The following TCHH variants were observed in gnomAD, a reference collection of about 807,000 sequenced individuals.
TCHH encodes trichohyalin.
Under a neutral mutation model 6.3 loss-of-function variants are expected in TCHH, and 6 were observed. That is an observed-to-expected ratio of 0.95 (90% confidence interval 0.52 to 1.88). TCHH has a LOEUF of 1.88. Ranked by LOEUF, TCHH falls within the 40% of genes most tolerant of loss-of-function variation. TCHH has a pLI of 0.01. For synonymous variants in TCHH, 1,087 were observed against 963.6 expected, an observed-to-expected ratio of 1.13 and a Z score of -2.37; for missense variants, 2,920 against 2,449.1, an observed-to-expected ratio of 1.19 and a Z score of -4.06.
In TCHH at chr1:152,110,849, A is replaced by C. The variant is rs11803731; in HGVS notation, c.2368T>G (p.Leu790Val). Residue 790 changes from leucine to valine, a missense_variant, in exon 3 of 3, where the codon TTG (leucine) becomes GTG (valine). Transcript: ENST00000614923. ...GRQRLSARPP[L>V]REQRERQLRA... is the part of the protein sequence containing the mutation. ...AGCTGCCTCTCCCGCTGCTCCCGCA[A>C]TGGGGGCCTGGCCGACAGCCTCTGA... 5.0e-6 allele frequency: 8 copies of C among 1,608,660 alleles called. No individual in the cohort carries two copies. Among genetic ancestry groups the C allele is most frequent in the Non-Finnish European group, 6.8e-6 (8 of 1,179,640 alleles).
Position 152,108,201 on chromosome 1 carries a change from C to T in TCHH, c.5016G>A (p.Glu1672=). 2 of 1,609,152 alleles carry T rather than the reference C, an allele frequency of 1.2e-6. No homozygotes were observed. The highest frequency in any genetic ancestry group is 1.7e-6 in the Non-Finnish European group (2 of 1,178,700). Residue 1672 remains glutamate (E), a synonymous_variant, in exon 3 of 3, where the codon GAG becomes GAA. Coordinates refer to ENST00000614923, the MANE Select transcript of TCHH (RefSeq NM_007113.4). ...CCTCCCCTTCCTGGAGCAGCTGTTC[C>T]TCTTCACGGAATTTTCTGTCGCGGT... is the stretch of plus-strand genomic sequence containing the variant. The part of the protein sequence containing the change: ...RHDRDRKFRE[E]EQLLQEGEEQ...
In TCHH at chr1:152,108,600, C is replaced by G. The variant is rs747330323; in HGVS notation, c.4617G>C (p.Gln1539His). ...RQRKFLQEEQ[Q>H]LRRQERGQQR... ...GTTGCCCGCGCTCCTGGCGGCGCAG[C>G]TGCTGTTCCTCCTGGAGGAATTTTC... The change falls in exon 3 of 3, where the codon CAG becomes CAC. Residue 1539 changes from glutamine to histidine, a missense_variant. Gln to His is a conservative substitution (Grantham distance 24). Transcript: ENST00000614923. 1.2e-6 allele frequency: 2 copies of G among 1,601,122 alleles called. No homozygotes were observed.
Position 152,114,121 on chromosome 1 carries a change from T to C in TCHH, c.-31-10A>G, listed in dbSNP as rs1312798837. ...TCAAGTTCAAGTAAACCTAGAACAA[T>C]AAAATAAGATCCAGAATCAAAATCC... is the stretch of plus-strand genomic sequence containing the variant. On this transcript the variant is annotated splice_polypyrimidine_tract_variant and intron_variant, in intron 1 of 2. Transcript: ENST00000614923. 6.4e-7 allele frequency: 1 copy of C among 1,558,644 alleles called. No individual in the cohort carries two copies. The highest frequency in any genetic ancestry group is 2.3e-5 in the East Asian group (1 of 44,152).
chr1:152,108,651 C>T lies in TCHH; in HGVS notation c.4566G>A (p.Gln1522=), dbSNP rs1658202219. The part of the protein sequence containing the change: ...EPERKFLEEE[Q]QLHRQQRQRK... Reference sequence around the variant, plus strand: ...TCTGCCGTTGCTGGCGGTGCAGCTGCTGTTCCTCCTCGAGGAATTTTCTCT... The same window carrying T: ...TCTGCCGTTGCTGGCGGTGCAGCTGTTGTTCCTCCTCGAGGAATTTTCTCT... The change falls in exon 3 of 3, where the codon CAG becomes CAA. Residue 1522 remains glutamine, a synonymous_variant. Coordinates refer to ENST00000614923, the MANE Select transcript of TCHH (RefSeq NM_007113.4). The T allele has an allele frequency of 6.2e-7, 1 of 1,611,520 alleles. No homozygotes were observed. Among genetic ancestry groups the T allele is most frequent in the Non-Finnish European group, 8.5e-7 (1 of 1,179,722 alleles).
chr1:152,113,886 T>C, intron 2 of TCHH, 57 bp downstream of exon 2: 1 of 1,589,238 alleles, frequency 6.3e-7, no homozygotes, highest in Non-Finnish European at 8.5e-7. Context: ...TGGTCTCCTC[T>C]GAGAATAAAT....
In TCHH at chr1:152,112,479, C is replaced by G; in HGVS notation, c.738G>C (p.Trp246Cys). 1 of 1,613,268 alleles carries G rather than the reference C, an allele frequency of 6.2e-7. No individual in the cohort carries two copies. ...RVFQEEEEKE[W>C]RKRETVLRKE... is the part of the protein sequence containing the mutation. ...TCCGGAGCACTGTCTCGCGCTTCCTCCACTCTTTCTCTTCTTCCTCCTGGA... is the reference window on the plus strand; with the variant it reads ...TCCGGAGCACTGTCTCGCGCTTCCTGCACTCTTTCTCTTCTTCCTCCTGGA... The change falls in exon 3 of 3, where the codon TGG becomes TGC. Residue 246 changes from tryptophan to cysteine, a missense_variant. Physicochemically the swap from Trp to Cys is radical, Grantham distance 215 (BLOSUM62 -2). Transcript: ENST00000614923.
At position 152,107,753 on chromosome 1, in the gene TCHH, G is replaced by A. The variant is rs766731225; in HGVS notation, c.5464C>T (p.Arg1822Cys). Residue 1822 changes from arginine (R) to cysteine (C), a missense_variant, in exon 3 of 3, where the codon CGC (arginine) becomes TGC (cysteine). Physicochemically the swap from Arg to Cys is radical, Grantham distance 180 (BLOSUM62 -3). Transcript: ENST00000614923. ...LRPQQRDGKYRWEEEQLQLEE... is the reference protein window; with the variant it reads ...LRPQQRDGKYCWEEEQLQLEE... ...AGTTGGAGCTGCTCTTCTTCCCAGC[G>A]ATACTTTCCGTCACGCTGTTGGGGG... The A allele has an allele frequency of 5.6e-6, 9 of 1,614,172 alleles. No individual in the cohort carries two copies. The South Asian group carries it at 8.8e-5, about 16-fold the overall frequency.
At chr1:152,114,231 G>A in intron 1 of TCHH, 120 bp from the exon 2 acceptor site, 1 of 670,614 alleles carries the variant, frequency 1.5e-6, no homozygotes, top group Non-Finnish European at 2.4e-6. Context: ...ATTTCAACCT[G>A]GACTTTCAGA....
In TCHH at chr1:152,111,687, C is replaced by T. The variant is rs1252508603; in HGVS notation, c.1530G>A (p.Glu510=). ...GCCGCTGCTCGCGCCTCTCCTCTTG[C>T]TCCCGCCTTAGTTGCTGCTCGCGCC... ...QERREQQLRR[E]QEERREQRLK... Residue 510 remains glutamate, a synonymous_variant, in exon 3 of 3, where the codon GAG becomes GAA. Coordinates refer to ENST00000614923, the MANE Select transcript of TCHH (RefSeq NM_007113.4). The T allele has an allele frequency of 6.5e-7, 1 of 1,542,580 alleles. No homozygotes were observed. The highest frequency in any genetic ancestry group is 8.9e-7 in the Non-Finnish European group (1 of 1,126,256).
At position 152,114,053 on chromosome 1, in the gene TCHH, C is replaced by T; in HGVS notation, c.28G>A (p.Asp10Asn). 1 of 1,613,072 alleles carries T rather than the reference C, an allele frequency of 6.2e-7. No homozygotes were observed. Among genetic ancestry groups the T allele is most frequent in the African/African-American group, 1.3e-5 (1 of 75,006 alleles). MSPLLRSICDITEIFNQYVS... is the reference protein window; with the variant it reads MSPLLRSICNITEIFNQYVS... ...TACTGATTGAAAATTTCAGTGATGT[C>T]ACAGATGCTTCTCAGAAGTGGAGAC... Residue 10 changes from aspartate to asparagine, a missense_variant, in exon 2 of 3, where the codon GAC becomes AAC. Transcript: ENST00000614923.
chr1:152,106,323 G>A lies in TCHH; in HGVS notation c.*1062C>T, dbSNP rs904610681. ...TTAAAACAGACAAAAGTAGTTACTT[G>A]CCAAACATTTATTATTAATTTTTCA... is the stretch of plus-strand genomic sequence containing the variant. On this transcript the variant is annotated 3_prime_UTR_variant, in exon 3 of 3. Coordinates refer to ENST00000614923, the MANE Select transcript of TCHH (RefSeq NM_007113.4). The A allele has an allele frequency of 5.9e-5, 9 of 152,114 alleles. No individual in the cohort carries two copies. The highest frequency in any genetic ancestry group is 8.8e-5 in the Non-Finnish European group (6 of 68,006). The allele number at this position is 152,114 out of a possible 1,614,324, so 9.4% of individuals were successfully genotyped here. A position where few individuals can be genotyped will look rare whatever the true frequency, so the allele number is the denominator to read the frequency against.
chr1:152,107,729 G>T lies in TCHH; in HGVS notation c.5488C>A (p.Leu1830Ile). Residue 1830 changes from leucine to isoleucine, a missense_variant, in exon 3 of 3, where the codon CTT (leucine) becomes ATT (isoleucine). Physicochemically the swap from Leu to Ile is conservative, Grantham distance 5 (BLOSUM62 2). Transcript: ENST00000614923. ...CGCAGCCTCTGCTCTTGTTCCTCAA[G>T]TTGGAGCTGCTCTTCTTCCCAGCGA... ...KYRWEEEQLQ[L>I]EEQEQRLRQE... 6.2e-7 allele frequency: 1 copy of T among 1,614,228 alleles called. No individual in the cohort carries two copies. The highest frequency in any genetic ancestry group is 8.5e-7 in the Non-Finnish European group (1 of 1,180,046).
Position 152,112,274 on chromosome 1 carries a change from G to C in TCHH, c.943C>G (p.Arg315Gly). The C allele has an allele frequency of 6.2e-7, 1 of 1,601,798 alleles. No individual in the cohort carries two copies. The highest frequency in any genetic ancestry group is 1.1e-5 in the South Asian group (1 of 90,710). Residue 315 changes from arginine to glycine, a missense_variant, in exon 3 of 3, where the codon CGC (arginine) becomes GGC (glycine). Physicochemically the swap from Arg to Gly is moderately radical, Grantham distance 125 (BLOSUM62 -2). Transcript: ENST00000614923. ...TCGCGCCTCTCCTCCTGCTGCTCGC[G>C]CCTCTCCTCCTCCTGCTTGCGCCTT... ...QLRRKQEEERREQQEERREQQ... is the reference protein window; with the variant it reads ...QLRRKQEEERGEQQEERREQQ...
chr1:152,111,048 G>A lies in TCHH; in HGVS notation c.2169C>T (p.Pro723=), dbSNP rs570008678. Residue 723 remains proline, a synonymous_variant, in exon 3 of 3, where the codon CCC becomes CCT. Coordinates refer to ENST00000614923, the MANE Select transcript of TCHH (RefSeq NM_007113.4). ...GGCGCCTCTGCCCTTCCTGCTTGCG[G>A]GGCCTCGAGTAGACTTTGCTTTGCC... ...DARQSKVYSR[P]RKQEGQRRRQ... is the part of the protein sequence containing the mutation. 9 of 1,613,416 alleles carry A rather than the reference G, an allele frequency of 5.6e-6. No individual in the cohort carries two copies. The South Asian group carries it at 7.7e-5, about 14-fold the overall frequency.
At chr1:152,113,862 A>G in intron 2 of TCHH, 81 bp downstream of exon 2, 1 of 1,517,528 alleles carries the variant, frequency 6.6e-7, no homozygotes, top group Admixed American at 2.1e-5. Flanking sequence ...ATATAAAACC[A>G]CCATTCCTTG....
Position 152,110,498 on chromosome 1 carries a change from G to A in TCHH, c.2719C>T (p.Gln907Ter). 6.2e-7 allele frequency: 1 copy of A among 1,614,020 alleles called. No individual in the cohort carries two copies. The highest frequency in any genetic ancestry group is 1.1e-5 in the South Asian group (1 of 91,078). The change falls in exon 3 of 3, where the codon CAG becomes TAG. Residue 907 changes from glutamine to a stop codon, truncating the protein, a stop_gained. Transcript: ENST00000614923. LOFTEE classifies it low-confidence loss of function (END_TRUNC). Reference sequence around the variant, plus strand: ...CTCTGTAGCTCCTCCTCCTCCTCCTGCAGCAGCTGCTGTTCCTTCCTCAGC... The same window carrying A: ...CTCTGTAGCTCCTCCTCCTCCTCCTACAGCAGCTGCTGTTCCTTCCTCAGC... ...EQLRKEQQLL[Q>*]EEEEELQREE...
chr1:152,113,880 C>T (rs932285739), intron 2 of TCHH, 63 bp downstream of exon 2: 5 of 1,574,658 alleles, frequency 3.2e-6, no homozygotes, highest in East Asian at 4.5e-5. Flanking sequence ...TTGCTCTGGT[C>T]TCCTCTGAGA....
rs1193093799 is a variant in TCHH at position 152,110,468 on chromosome 1, CCT to C, written c.2747_2748del (p.Glu916GlyfsTer48). On this transcript the variant is annotated frameshift_variant, in exon 3 of 3. Coordinates refer to ENST00000614923, the MANE Select transcript of TCHH (RefSeq NM_007113.4). LOFTEE classifies it low-confidence loss of function (END_TRUNC). ...TCTTGGCGCCTTCTCTTCTCGCGCT[CCT>C]CTCTCTGTAGCTCCTCCTCCTCCTC... ...LQEEEEELQR[E>X]EREKRRRQEQ... The C allele has an allele frequency of 4.3e-6, 7 of 1,614,190 alleles. No homozygotes were observed. Among genetic ancestry groups the C allele is most frequent in the African/African-American group, 1.3e-5 (1 of 75,058 alleles).
At position 152,110,907 on chromosome 1, in the gene TCHH, C is replaced by T; in HGVS notation, c.2310G>A (p.Gln770=). 6.2e-7 allele frequency: 1 copy of T among 1,613,026 alleles called. No homozygotes were observed. The highest frequency in any genetic ancestry group is 8.5e-7 in the Non-Finnish European group (1 of 1,179,986). Residue 770 remains glutamine, a synonymous_variant, in exon 3 of 3, where the codon CAG becomes CAA. Transcript: ENST00000614923. Reference sequence around the variant, plus strand: ...TCTCGCTCTTTTCCTCCGCCTGCCACTGCCATGTGAAGTCCCGGCGCTGCT... The same window carrying T: ...TCTCGCTCTTTTCCTCCGCCTGCCATTGCCATGTGAAGTCCCGGCGCTGCT... The part of the protein sequence containing the change: ...EEEQRRDFTW[Q]WQAEEKSERG...
Sources: allele counts gnomAD v4.1 joint callset, GRCh38; gene constraint gnomAD v4.1.1; transcripts MANE v1.5; gene names NCBI Gene and HGNC (gene_info 2026-07-23, HGNC 2026-07-21).